Variants in ROBO1 observed in about 807,000 individuals in gnomAD.
ROBO1 encodes roundabout guidance receptor 1.
In ROBO1, 149 loss-of-function variants were observed where a neutral mutation model predicts 195.9. The ratio of observed to expected loss-of-function variants is 0.76; its 90% CI spans 0.67 to 0.87. ROBO1 has a LOEUF of 0.87. ROBO1 is among the 40% of genes least tolerant of loss of function. The pLI, the probability that ROBO1 is intolerant of heterozygous loss-of-function variation, is 0.00. For synonymous variants in ROBO1, 816 were observed against 733.2 expected, an observed-to-expected ratio of 1.11 and a Z score of -1.82; for missense variants, 1,933 against 2,068.3, an observed-to-expected ratio of 0.93 and a Z score of 1.27.
Position 78,998,778 on chromosome 3 carries a change from T to C in ROBO1, c.173-59851A>G, listed in dbSNP as rs2077427461. On this transcript the variant is annotated intron_variant, in intron 3 of 30. Transcript: ENST00000464233. ...CTCATCATCTCTCCCCTTTATTAGT[T>C]TAATAGCCTAATCCAACTTCCATGC... Among the ~76,000 whole-genome samples, 3 of 152,230 alleles carry C rather than the reference T, an allele frequency of 2.0e-5. No individual in the cohort carries two copies. In the South Asian group the frequency reaches 6.2e-4, roughly 32 times the overall value.
At chr3:79,753,839 T>A (rs1457623981) in intron 1 of ROBO1, among the ~76,000 whole-genome samples, 2 of 152,164 alleles carry the variant, frequency 1.3e-5, no homozygotes, top group African/African-American at 4.8e-5. Context: ...CTTGATAAAT[T>A]TAAAATGATG....
chr3:78,872,716 T>G (rs1287894570), intron 4 of ROBO1, among the ~76,000 whole-genome samples: 2 of 152,130 alleles, frequency 1.3e-5, no homozygotes, highest in African/African-American at 4.8e-5. Flanking sequence ...AGTTTTCAGG[T>G]TGTAACACTC....
intron 1 of ROBO1, among the ~76,000 whole-genome samples, chr3:79,724,501 T>TA (rs1445364082): frequency 2.0e-5 from 3 of 152,220 alleles, no homozygotes; most frequent in African/African-American, 7.2e-5. Flanking sequence ...CATGGAGACT[T>TA]ATGTCTTGTT....
At position 79,159,012 on chromosome 3, in the gene ROBO1, G is replaced by T. The variant is rs994258079; in HGVS notation, c.89-33473C>A. ...ATTAATGCATGACTAAAGTGGAATTGAAAATGAATGTTTTTGGAAGAAATA... is the reference window on the plus strand; with the variant it reads ...ATTAATGCATGACTAAAGTGGAATTTAAAATGAATGTTTTTGGAAGAAATA... On this transcript the variant is annotated intron_variant, in intron 2 of 30. Transcript: ENST00000464233. 7.2e-5 allele frequency among the ~76,000 whole-genome samples: 11 copies of T among 152,080 alleles called. No homozygotes were observed. The South Asian group carries it at 1.5e-3, about 20-fold the overall frequency.
At chr3:79,230,304 T>G (rs76188865) in intron 2 of ROBO1, among the ~76,000 whole-genome samples, 57 of 152,270 alleles carry the variant, frequency 3.7e-4, no homozygotes, top group African/African-American at 1.3e-3. Flanking sequence ...TAATTATACA[T>G]GTTTTACACT....
At chr3:79,174,005 A>C (rs1033934989) in intron 2 of ROBO1, among the ~76,000 whole-genome samples, 2 of 152,046 alleles carry the variant, frequency 1.3e-5, no homozygotes, top group African/African-American at 4.8e-5. Flanking sequence ...AAACGCACCA[A>C]TCAGTGCCCT....
chr3:79,415,029 T>C (rs2037939499), intron 2 of ROBO1, among the ~76,000 whole-genome samples: 1 of 152,172 alleles, frequency 6.6e-6, no homozygotes, highest in African/African-American at 2.4e-5. Context: ...TCTGAGTCCA[T>C]GGAGTTGAGC....
At chr3:79,233,228 T>C (rs181374870) in intron 2 of ROBO1, among the ~76,000 whole-genome samples, 220 of 152,106 alleles carry the variant, frequency 1.4e-3, no homozygotes, top group Non-Finnish European at 9.0e-4. Context: ...AGAAAAAGCA[T>C]GGCTGAAATA....
intron 29 of ROBO1, among the ~76,000 whole-genome samples, chr3:78,602,964 T>C (rs1243783458): frequency 2.6e-5 from 4 of 152,178 alleles, no homozygotes; most frequent in East Asian, 1.9e-4. Context: ...CTTAAGTGTA[T>C]CCTTTCCACA....
At chr3:79,403,334 G>A (rs1459148018) in intron 2 of ROBO1, among the ~76,000 whole-genome samples, 1 of 151,968 alleles carries the variant, frequency 6.6e-6, no homozygotes, top group Non-Finnish European at 1.5e-5. Context: ...TGGAGAAAGT[G>A]TTAAACAAAT....
intron 4 of ROBO1, among the ~76,000 whole-genome samples, chr3:78,799,356 T>C (rs936891475): frequency 6.6e-6 from 1 of 152,130 alleles, no homozygotes; most frequent in Admixed American, 6.5e-5. Context: ...TTTTGTTTTT[T>C]TTTGAAACGG....
intron 3 of ROBO1, among the ~76,000 whole-genome samples, chr3:79,096,945 T>C (rs776847596): frequency 6.6e-6 from 1 of 151,632 alleles, no homozygotes; most frequent in Non-Finnish European, 1.5e-5. Flanking sequence ...GCATAGAATT[T>C]TGACTGCTTA....
At chr3:79,387,471 A>C (rs2036791816) in intron 2 of ROBO1, among the ~76,000 whole-genome samples, 1 of 150,470 alleles carries the variant, frequency 6.6e-6, no homozygotes, top group Admixed American at 6.7e-5. Context: ...TAAAATATAT[A>C]CAAATATAGT....
At chr3:78,746,070 C>A (rs1204702508) in intron 5 of ROBO1, among the ~76,000 whole-genome samples, 1 of 152,136 alleles carries the variant, frequency 6.6e-6, no homozygotes, top group Admixed American at 6.5e-5. Context: ...GGCTTGGTGA[C>A]TGAGGTGCTT....
intron 29 of ROBO1, among the ~76,000 whole-genome samples, chr3:78,602,007 C>T (rs181025777): frequency 1.8e-4 from 27 of 149,016 alleles, no homozygotes; most frequent in East Asian, 4.0e-4. Flanking sequence ...ATTATATATA[C>T]GTTATACATA....
intron 2 of ROBO1, among the ~76,000 whole-genome samples, chr3:79,586,197 C>T (rs1296711637): frequency 6.6e-6 from 1 of 151,884 alleles, no homozygotes; most frequent in African/African-American, 2.4e-5. Flanking sequence ...AAAACAAAAA[C>T]AAAACTTAGA....
chr3:78,763,679 T>A (rs2083159467), intron 4 of ROBO1, among the ~76,000 whole-genome samples: 1 of 152,172 alleles, frequency 6.6e-6, no homozygotes, highest in Non-Finnish European at 1.5e-5. Flanking sequence ...GTTCTTACTC[T>A]TATGTTAGTC....
intron 2 of ROBO1, among the ~76,000 whole-genome samples, chr3:79,475,277 G>C (rs1250907161): frequency 6.6e-6 from 1 of 151,882 alleles, no homozygotes; most frequent in African/African-American, 2.4e-5. Flanking sequence ...GGAAATTTCT[G>C]AACTATTACG....
intron 2 of ROBO1, among the ~76,000 whole-genome samples, chr3:79,575,736 T>C (rs866300045): frequency 2.4e-4 from 36 of 151,354 alleles, no homozygotes; most frequent in Admixed American, 7.9e-4. Context: ...AAGTACTAGA[T>C]TATTTTTGTG....
Sources: allele counts gnomAD v4.1 joint callset (sites outside exome capture counted in the v4.1 genomes callset), GRCh38; gene constraint gnomAD v4.1.1; transcripts MANE v1.5; gene names NCBI Gene and HGNC (gene_info 2026-07-23, HGNC 2026-07-21).